The following PPP2R2D variants were observed in gnomAD, a reference collection of about 807,000 sequenced individuals.
The protein encoded by PPP2R2D is protein phosphatase 2 regulatory subunit Bdelta, also known as serine/threonine-protein phosphatase 2A 55 kDa regulatory subunit B delta isoform.
A neutral mutation model predicts 31.1 loss-of-function variants in PPP2R2D; 9 were observed. The observed-to-expected ratio is 0.29, with a 90% CI of 0.17 to 0.51. The LOEUF is 0.51. Among genes scored for constraint, PPP2R2D ranks in the 20% least tolerant of loss-of-function variants. The pLI, the probability that PPP2R2D is intolerant of heterozygous loss-of-function variation, is 0.98. For missense variants in PPP2R2D, 391 were observed against 465.6 expected, an observed-to-expected ratio of 0.84 and a Z score of 1.48; for synonymous variants, 179 against 172.6, an observed-to-expected ratio of 1.04 and a Z score of -0.29.
intron 2 of PPP2R2D, among the ~76,000 whole-genome samples, chr10:131,902,202 T>C (rs1275037757): frequency 1.3e-5 from 2 of 152,234 alleles, no homozygotes; most frequent in Non-Finnish European, 2.9e-5. Flanking sequence ...TTCAGAGTCA[T>C]AGTGACTTTT....
intron 5 of PPP2R2D, 183 bp downstream of exon 5, chr10:131,940,877 C>T (rs2036429850): frequency 3.9e-6 from 2 of 513,630 alleles, no homozygotes; most frequent in Non-Finnish European, 6.9e-6. Context: ...CTCCTGTTTT[C>T]ACAAAGGCAG....
At chr10:131,950,195 CAA>C (rs146540994) in intron 8 of PPP2R2D, among the ~76,000 whole-genome samples, 1,568 of 152,198 alleles carry the variant, frequency 0.01, 23 homozygotes, top group African/African-American at 0.035. Context: ...AAACAGAAAA[CAA>C]GAGACACTAG....
chr10:131,908,825 G>T (rs2035639693), intron 2 of PPP2R2D, among the ~76,000 whole-genome samples: 1 of 152,206 alleles, frequency 6.6e-6, no homozygotes, highest in Admixed American at 6.5e-5. Flanking sequence ...TGTCACTTCA[G>T]GGAGCCAGTT....
chr10:131,912,489 C>T (rs1200762900), intron 2 of PPP2R2D: 2 of 152,222 alleles, frequency 1.3e-5, no homozygotes, highest in African/African-American at 4.8e-5. Flanking sequence ...ATGTGGCCGC[C>T]ACTTGCCTTT....
intron 2 of PPP2R2D, among the ~76,000 whole-genome samples, chr10:131,909,282 G>A (rs1344119157): frequency 1.3e-5 from 2 of 152,202 alleles, no homozygotes; most frequent in Non-Finnish European, 2.9e-5. Flanking sequence ...CTTGAATCGT[G>A]TGCTCAGGAC....
chr10:131,970,882 G>A, the PPP2R2D span: 10 of 1,614,046 alleles, frequency 6.2e-6, no homozygotes, highest in East Asian at 4.5e-5. This position sits in a 1 kb window ranked among gnomAD's most constrained non-coding sequence, Gnocchi z 4.1. Flanking sequence ...AATATTTTCC[G>A]GCCGACTTGA....
intron 3 of PPP2R2D, 159 bp from the exon 4 acceptor site, chr10:131,939,868 CTTTT>C (rs79311795): frequency 1.3e-3 from 442 of 327,736 alleles, no homozygotes; most frequent in South Asian, 1.6e-3. Flanking sequence ...CAAGTTCGTT[CTTTT>C]TTTTTTTTTT....
chr10:131,909,225 G>T (rs919980948), intron 2 of PPP2R2D, among the ~76,000 whole-genome samples: 18 of 152,338 alleles, frequency 1.2e-4, no homozygotes, highest in African/African-American at 4.1e-4. Context: ...GGGAGTGGCT[G>T]TGATGAGCAG....
chr10:131,942,273 G>C (rs1438880656), intron 5 of PPP2R2D, among the ~76,000 whole-genome samples: 2 of 152,182 alleles, frequency 1.3e-5, no homozygotes, highest in African/African-American at 4.8e-5. Context: ...ACTAGGCCCA[G>C]TCTTGGTTTT....
chr10:131,931,854 T>C (rs1163419845), intron 2 of PPP2R2D, among the ~76,000 whole-genome samples: 1 of 152,138 alleles, frequency 6.6e-6, no homozygotes, highest in Non-Finnish European at 1.5e-5. Context: ...AGGGCACCCC[T>C]GGGGATGGCG....
chr10:131,965,239 GAGCA>G, the PPP2R2D span, among the ~76,000 whole-genome samples: 1 of 152,098 alleles, frequency 6.6e-6, no homozygotes, highest in African/African-American at 2.4e-5. Flanking sequence ...CCTCTCTACT[GAGCA>G]ATGTGGCTTC....
chr10:131,914,896 TATA>T (rs2035749886), intron 2 of PPP2R2D, among the ~76,000 whole-genome samples: 1 of 152,086 alleles, frequency 6.6e-6, no homozygotes, highest in Non-Finnish European at 1.5e-5. Context: ...TGTTTGTAGG[TATA>T]AGGAGAAAAG....
chr10:131,928,988 C>A (rs1158128065), intron 2 of PPP2R2D, among the ~76,000 whole-genome samples: 1 of 152,198 alleles, frequency 6.6e-6, no homozygotes. Context: ...AATAATAATA[C>A]AACAGGCGCC....
downstream of PPP2R2D, among the ~76,000 whole-genome samples, chr10:131,961,252 C>T (rs1435597387): frequency 1.3e-5 from 2 of 152,198 alleles, no homozygotes; most frequent in Non-Finnish European, 1.5e-5. Context: ...GGCTGCCTGC[C>T]AAAGCCAAGT....
rs1480739801 is a variant in PPP2R2D, at chr10:131,947,297, C to T, written c.821-233C>T. On this transcript the variant is annotated intron_variant, in intron 7 of 8. Transcript: ENST00000455566. The surrounding 1 kb of genome is among the most constrained non-coding windows in gnomAD (Gnocchi z 4.3). The stretch of plus-strand genomic sequence containing the variant: ...GGGTGAGACTTGGGCGTCTACGCTT[C>T]TCATGCCCATCCCTTGTCCATAGCT... Among the ~76,000 whole-genome samples, 4 of 152,194 alleles carry T rather than the reference C, an allele frequency of 2.6e-5. No individual in the cohort carries two copies. The highest frequency in any genetic ancestry group is 4.4e-5 in the Non-Finnish European group (3 of 68,030).
intron 2 of PPP2R2D, among the ~76,000 whole-genome samples, chr10:131,914,260 C>T (rs1385579666): frequency 6.6e-6 from 1 of 152,140 alleles, no homozygotes; most frequent in Non-Finnish European, 1.5e-5. Context: ...TTTGGGAGGC[C>T]AAGGCAGGAG....
Position 131,947,165 on chromosome 10 carries a change from T to C in PPP2R2D, c.821-365T>C, listed in dbSNP as rs1554898080. ...TGCCATGAGGACGCGGAGACACTCC[T>C]ACAGGAATGCGGTGGTGCTGAACCT... On this transcript the variant is annotated intron_variant, in intron 7 of 8. Coordinates refer to ENST00000455566, the MANE Select transcript of PPP2R2D (RefSeq NM_018461.5). The surrounding 1 kb of genome is among the most constrained non-coding windows in gnomAD (Gnocchi z 4.3). 6.6e-6 allele frequency among the ~76,000 whole-genome samples: 1 copy of C among 152,222 alleles called. No individual in the cohort carries two copies. Among genetic ancestry groups the C allele is most frequent in the Non-Finnish European group, 1.5e-5 (1 of 68,036 alleles).
At chr10:131,955,211 C>T (rs1172085546) in intron 8 of PPP2R2D, among the ~76,000 whole-genome samples, 2 of 152,102 alleles carry the variant, frequency 1.3e-5, no homozygotes, top group African/African-American at 2.4e-5. Flanking sequence ...TATTTCTATC[C>T]GTTGCCTCAT....
chr10:131,940,438 C>G, intron 4 of PPP2R2D, 144 bp from the exon 5 acceptor site: 1 of 604,296 alleles, frequency 1.7e-6, no homozygotes, highest in South Asian at 2.1e-5. Context: ...CAAAACACCT[C>G]CAATTGGAAA....
Sources: allele counts gnomAD v4.1 joint callset (sites outside exome capture counted in the v4.1 genomes callset), GRCh38; gene constraint gnomAD v4.1.1; non-coding constraint Gnocchi (gnomAD v3.1); transcripts MANE v1.5; gene names NCBI Gene and HGNC (gene_info 2026-07-23, HGNC 2026-07-21).